Variants in CNTNAP2 observed in about 807,000 individuals in gnomAD.
CNTNAP2 encodes the protein contactin associated protein 2.
Under a neutral mutation model 155.2 loss-of-function variants are expected in CNTNAP2, and 98 were observed. The ratio of observed to expected loss-of-function variants is 0.63; its 90% confidence interval spans 0.54 to 0.75. The LOEUF is 0.75. Ranked by LOEUF, CNTNAP2 falls within the 30% of genes least tolerant of loss-of-function variation. The pLI is 0.00. For missense variants in CNTNAP2, 1,727 were observed against 1,688.1 expected, an observed-to-expected ratio of 1.02 and a Z score of -0.40; for synonymous variants, 651 against 631.2, an observed-to-expected ratio of 1.03 and a Z score of -0.47.
At chr7:147,503,806 T>C (rs539298031) in intron 11 of CNTNAP2, among the ~76,000 whole-genome samples, 1 of 152,150 alleles carries the variant, frequency 6.6e-6, no homozygotes, top group Non-Finnish European at 1.5e-5. Context: ...AAATAAATTG[T>C]GTAGGCCTAA....
chr7:146,362,589 G>A (rs34142756), intron 1 of CNTNAP2, among the ~76,000 whole-genome samples: 36,136 of 151,962 alleles, frequency 0.24, 4,901 homozygotes, highest in Admixed American at 0.4. Context: ...AGAACAAGCT[G>A]GGTGGTATGA....
At chr7:146,658,037 T>G (rs1034331121) in intron 1 of CNTNAP2, among the ~76,000 whole-genome samples, 1 of 152,176 alleles carries the variant, frequency 6.6e-6, no homozygotes, top group African/African-American at 2.4e-5. Flanking sequence ...TTTAAATTTC[T>G]AGACTGTTGA....
intron 11 of CNTNAP2, among the ~76,000 whole-genome samples, chr7:147,551,132 A>G (rs1019951709): frequency 1.3e-5 from 2 of 152,192 alleles, no homozygotes; most frequent in Admixed American, 1.3e-4. Context: ...TTCTTAAATT[A>G]GAAGACAAAC....
At chr7:148,218,312 A>C (rs1412803594) in intron 19 of CNTNAP2, among the ~76,000 whole-genome samples, 1 of 152,226 alleles carries the variant, frequency 6.6e-6, no homozygotes, top group Non-Finnish European at 1.5e-5. Context: ...AGAAAATCAG[A>C]AATGTCTTCA....
chr7:148,104,232 A>C (rs1257174539), intron 15 of CNTNAP2, among the ~76,000 whole-genome samples: 2 of 152,146 alleles, frequency 1.3e-5, no homozygotes, highest in Non-Finnish European at 2.9e-5. Flanking sequence ...GGACATGTGA[A>C]TCTTTTTATT....
chr7:146,761,836 A>C (rs1461046494), intron 1 of CNTNAP2, among the ~76,000 whole-genome samples: 1 of 133,942 alleles, frequency 7.5e-6, no homozygotes, highest in Non-Finnish European at 1.6e-5. Flanking sequence ...TTCTTTATTC[A>C]ATGGTAGGTC....
At chr7:146,335,871 G>A (rs1378705019) in intron 1 of CNTNAP2, among the ~76,000 whole-genome samples, 1 of 151,984 alleles carries the variant, frequency 6.6e-6, no homozygotes, top group Admixed American at 6.6e-5. Flanking sequence ...CTTAAAACAA[G>A]GAACACAAAA....
At chr7:147,269,574 G>A (rs1359614295) in intron 8 of CNTNAP2, among the ~76,000 whole-genome samples, 1 of 152,138 alleles carries the variant, frequency 6.6e-6, no homozygotes, top group Non-Finnish European at 1.5e-5. Context: ...AGGTCCCCTG[G>A]GTTTTGTTTA....
At chr7:147,583,769 G>T (rs1001978764) in intron 12 of CNTNAP2, among the ~76,000 whole-genome samples, 1 of 151,944 alleles carries the variant, frequency 6.6e-6, no homozygotes, top group African/African-American at 2.4e-5. Context: ...TTTACTGTCA[G>T]TGTCTCAGTT....
chr7:146,721,127 CTATATATATTCTCTTTATATATTCTA>C (rs1563203206), intron 1 of CNTNAP2, among the ~76,000 whole-genome samples: 2 of 130,242 alleles, frequency 1.5e-5, no homozygotes, highest in East Asian at 4.4e-4. Context: ...TCTATATATC[CTATATATATTCTCTTTATATATTCTA>C]TATATATATT....
In CNTNAP2 at chr7:147,918,301, C is replaced by T. The variant is rs6966505; in HGVS notation, c.2255+14580C>T. 1.4e-3 allele frequency among the ~76,000 whole-genome samples: 210 copies of T among 152,232 alleles called. 3 individuals carry two copies. Among genetic ancestry groups the T allele is most frequent in the Admixed American group, 9.9e-3 (151 of 15,284 alleles). The stretch of plus-strand genomic sequence containing the variant: ...CAAATGTGTAGCACTTTAGAGAATC[C>T]GGTTTTTTGTATGTATTTATAAACT... On this transcript the variant is annotated intron_variant, in intron 14 of 23. Transcript: ENST00000361727.
chr7:146,235,683 A>G (rs1799460859), intron 1 of CNTNAP2, among the ~76,000 whole-genome samples: 1 of 152,042 alleles, frequency 6.6e-6, no homozygotes. Flanking sequence ...TTTCAGGTGC[A>G]CAGGCCGTGG....
At chr7:147,201,214 G>T (rs1241554471) in intron 8 of CNTNAP2, among the ~76,000 whole-genome samples, 1 of 152,148 alleles carries the variant, frequency 6.6e-6, no homozygotes, top group African/African-American at 2.4e-5. Context: ...TCTGAATAAT[G>T]AACACAATAA....
At chr7:146,837,426 CCTT>C (rs574023550) in intron 2 of CNTNAP2, among the ~76,000 whole-genome samples, 125 of 152,106 alleles carry the variant, frequency 8.2e-4, no homozygotes, top group African/African-American at 2.7e-3. Context: ...TTGCTTTTCT[CCTT>C]CAACATTTTG....
intron 13 of CNTNAP2, among the ~76,000 whole-genome samples, chr7:147,689,480 T>G (rs1411946535): frequency 6.6e-6 from 1 of 152,208 alleles, no homozygotes; most frequent in Non-Finnish European, 1.5e-5. Context: ...TCTCATATAA[T>G]TAAAGAAATC....
At chr7:147,177,098 G>C (rs1010197786) in intron 8 of CNTNAP2, among the ~76,000 whole-genome samples, 1 of 148,412 alleles carries the variant, frequency 6.7e-6, no homozygotes, top group African/African-American at 2.5e-5. Flanking sequence ...ATCATATTCT[G>C]TCATCTTTTC....
chr7:147,077,924 A>T (rs998618992), intron 4 of CNTNAP2, among the ~76,000 whole-genome samples: 3 of 152,198 alleles, frequency 2.0e-5, no homozygotes, highest in African/African-American at 7.2e-5. Context: ...TAGACAGAAC[A>T]TATCACTTTA....
rs71188970 is a variant in CNTNAP2 at position 148,330,113 on chromosome 7, G to GTGGA, written c.3476-53527_3476-53524dup. ...CACATGGAATGGATGGATAGATGGA[G>GTGGA]TGGATGGATGGAGTGGATGGGTAGA... On this transcript the variant is annotated intron_variant, in intron 21 of 23. Transcript: ENST00000361727. Among the ~76,000 whole-genome samples the GTGGA allele has an allele frequency of 3.4e-5, 5 of 147,916 alleles. No individual in the cohort carries two copies. In the East Asian group the frequency reaches 1.0e-3, roughly 30 times the overall value.
At chr7:146,342,685 G>A (rs1290735313) in intron 1 of CNTNAP2, among the ~76,000 whole-genome samples, 2 of 152,118 alleles carry the variant, frequency 1.3e-5, no homozygotes, top group African/African-American at 4.8e-5. Flanking sequence ...AAGACGTGTA[G>A]GATTTGAGTA....
Sources: gnomAD v4.1 joint callset for allele counts (sites outside exome capture counted in the v4.1 genomes callset) on GRCh38, gnomAD v4.1.1 for gene constraint, MANE v1.5 for transcripts, NCBI Gene and HGNC (gene_info 2026-07-23, HGNC 2026-07-21) for gene names.